Variants in FAT1 observed in about 807,000 individuals in gnomAD.
FAT1 encodes the protein protocadherin Fat 1.
A neutral mutation model predicts 329.8 loss-of-function variants in FAT1; 171 were observed. The observed-to-expected ratio is 0.52, with a 90% confidence interval of 0.46 to 0.59. The LOEUF (loss-of-function observed/expected upper bound fraction) is 0.59, where lower values mean the gene tolerates loss of function less well. FAT1 is among the 20% of genes least tolerant of loss of function. FAT1 has a pLI of 0.00. For missense variants in FAT1, 5,672 were observed against 5,774.4 expected (o/e 0.98, Z 0.57); for synonymous variants, 2,233 against 2,228.6 (o/e 1.00, Z -0.06).
chr4:186,598,928 C>T (rs750395637), intron 22 of FAT1: 4 of 152,310 alleles, frequency 2.6e-5, no homozygotes, highest in Non-Finnish European at 2.9e-5. Context: ...AGTGCTTCCC[C>T]GCCCCTCCAA....
Position 186,611,762 on chromosome 4 carries a change from C to A in FAT1, c.9477G>T (p.Lys3159Asn), listed in dbSNP as rs1038787426. The A allele has an allele frequency of 5.7e-6, 9 of 1,570,748 alleles. No individual in the cohort carries two copies. Among genetic ancestry groups the A allele is most frequent in the Non-Finnish European group, 7.8e-6 (9 of 1,157,282 alleles). The change falls in exon 14 of 27, where the codon AAG (lysine) becomes AAT (asparagine). Residue 3159 changes from lysine to asparagine, a missense_variant. By Grantham distance (94) the Lys-to-Asn change is moderately conservative (BLOSUM62 0). This residue lies in a region of FAT1 where 1,706 missense variants were observed against 1,859.1 expected (regional missense o/e 0.92). Transcript: ENST00000441802. ...CAGAGTCAATCAGTGAGTATAAAATCTTCCGATTTAATCCTATGAAGACAT... is the reference window on the plus strand; with the variant it reads ...CAGAGTCAATCAGTGAGTATAAAATATTCCGATTTAATCCTATGAAGACAT... ...ATDADAGLNRKILYSLIDSAD... is the reference protein window; with the variant it reads ...ATDADAGLNRNILYSLIDSAD...
At chr4:186,635,105 A>G (rs966239941) in intron 6 of FAT1, among the ~76,000 whole-genome samples, 3 of 152,240 alleles carry the variant, frequency 2.0e-5, no homozygotes, top group African/African-American at 7.2e-5. Context: ...CAAAGCATTT[A>G]GCATGAAAGT....
intron 3 of FAT1, among the ~76,000 whole-genome samples, chr4:186,645,358 C>T (rs1741301916): frequency 9.8e-6 from 1 of 101,770 alleles, no homozygotes. Context: ...TTAATAGATA[C>T]TTCATTACAT....
rs182592812 is a variant in FAT1 at position 186,678,127 on chromosome 4, G to A, written c.3266-14514C>T. On this transcript the variant is annotated intron_variant, in intron 2 of 26. Coordinates refer to ENST00000441802, the MANE Select transcript of FAT1 (RefSeq NM_005245.4). ...TTAATAAAATAAAGTGATAACAGAA[G>A]ATGTAGAATATGAAAATAAACATCA... 7.2e-5 allele frequency among the ~76,000 whole-genome samples: 11 copies of A among 152,156 alleles called. No individual in the cohort carries two copies. The East Asian group carries it at 2.1e-3, about 29-fold the overall frequency.
chr4:186,652,648 G>A (rs1261334385), intron 3 of FAT1, among the ~76,000 whole-genome samples: 1 of 151,964 alleles, frequency 6.6e-6, no homozygotes, highest in East Asian at 1.9e-4. Flanking sequence ...TTTTTTAAAT[G>A]AATTCCTGCC....
At position 186,621,385 on chromosome 4, in the gene FAT1, G is replaced by C. The variant is rs1282528230; in HGVS notation, c.5201C>G (p.Thr1734Arg). 8.1e-6 allele frequency: 13 copies of C among 1,614,002 alleles called. No individual in the cohort carries two copies. The highest frequency in any genetic ancestry group is 1.1e-5 in the Non-Finnish European group (13 of 1,179,894). The part of the protein sequence containing the change: ...ALDFETLPIY[T>R]LIIQGTNMAG... Reference sequence around the variant, plus strand: ...CATGTTAGTTCCTTGTATTATCAATGTGTAAATGGGCAAAGTTTCAAAGTC... The same window carrying C: ...CATGTTAGTTCCTTGTATTATCAATCTGTAAATGGGCAAAGTTTCAAAGTC... The change falls in exon 10 of 27, where the codon ACA (threonine) becomes AGA (arginine). Residue 1734 changes from threonine (T) to arginine (R), a missense_variant. Physicochemically the swap from Thr to Arg is moderately conservative, Grantham distance 71. This residue lies in a region of FAT1 where 3,966 missense variants were observed against 3,915.2 expected (regional missense o/e 1.01). Coordinates refer to ENST00000441802, the MANE Select transcript of FAT1 (RefSeq NM_005245.4).
At chr4:186,702,196 T>A (rs1744363663) in intron 2 of FAT1, among the ~76,000 whole-genome samples, 3 of 152,248 alleles carry the variant, frequency 2.0e-5, no homozygotes, top group Admixed American at 2.0e-4. Context: ...AAAAATGTCC[T>A]CATTTCCCTT....
chr4:186,704,143 T>C (rs2126678433), intron 2 of FAT1, among the ~76,000 whole-genome samples: 1 of 152,336 alleles, frequency 6.6e-6, no homozygotes, highest in East Asian at 1.9e-4. Flanking sequence ...ACAGAATAAA[T>C]GACCTACAAA....
chr4:186,599,721 G>A (rs1471531036), intron 22 of FAT1, among the ~76,000 whole-genome samples, 177 bp downstream of exon 22: 2 of 152,160 alleles, frequency 1.3e-5, no homozygotes, highest in Non-Finnish European at 2.9e-5. Flanking sequence ...GCACCAGAAG[G>A]GCAGCAGACC....
At chr4:186,726,245 G>A (rs1745715406), upstream of FAT1, 1 of 152,240 alleles carries the variant, frequency 6.6e-6, no homozygotes, top group Non-Finnish European at 1.5e-5. Flanking sequence ...AGAACCCGTA[G>A]GGCGCACACG....
intron 5 of FAT1, 113 bp downstream of exon 5, chr4:186,636,472 C>G: frequency 8.4e-7 from 1 of 1,195,678 alleles, no homozygotes; most frequent in South Asian, 1.5e-5. Context: ...GCCAGCAGGT[C>G]ACAAACACTT....
chr4:186,683,598 C>G (rs1262389420), intron 2 of FAT1, among the ~76,000 whole-genome samples: 1 of 152,124 alleles, frequency 6.6e-6, no homozygotes, highest in East Asian at 1.9e-4. Context: ...AGCCTTTTTC[C>G]TTCCAGGACC....
At position 186,628,245 on chromosome 4, in the gene FAT1, T is replaced by C. The variant is rs774416458; in HGVS notation, c.4719A>G (p.Glu1573=). The C allele has an allele frequency of 1.9e-6, 3 of 1,613,818 alleles. No individual in the cohort carries two copies. The African/African-American group carries it at 4.0e-5, about 22-fold the overall frequency. Residue 1573 remains glutamate, a synonymous_variant, in exon 9 of 27, where the codon GAA becomes GAG. Coordinates refer to ENST00000441802, the MANE Select transcript of FAT1 (RefSeq NM_005245.4). ...ACACAACTGAGCCAACGGCTGCCGATTCATAAACCCGCCCTTTGTAGGAGG... is the reference window on the plus strand; with the variant it reads ...ACACAACTGAGCCAACGGCTGCCGACTCATAAACCCGCCCTTTGTAGGAGG... The part of the protein sequence containing the change: ...TASSYKGRVY[E]SAAVGSVVLQ...
intron 2 of FAT1, among the ~76,000 whole-genome samples, chr4:186,664,343 C>T (rs1194836764): frequency 1.3e-5 from 2 of 152,164 alleles, no homozygotes; most frequent in Admixed American, 6.5e-5. Flanking sequence ...ATAAACTACA[C>T]TATAAACTCC....
At chr4:186,720,758 C>T (rs1368113089) in intron 1 of FAT1, among the ~76,000 whole-genome samples, 1 of 152,210 alleles carries the variant, frequency 6.6e-6, no homozygotes, top group Non-Finnish European at 1.5e-5. Context: ...ATGTTTGACA[C>T]AGAGGAGGTC....
chr4:186,599,138 G>A (rs1000663589), intron 22 of FAT1, among the ~76,000 whole-genome samples: 1 of 152,194 alleles, frequency 6.6e-6, no homozygotes, highest in African/African-American at 2.4e-5. Flanking sequence ...TGGTTTGGAC[G>A]TGTAACTAAT....
Position 186,713,861 on chromosome 4 carries a change from A to T in FAT1, c.-18-4016T>A, listed in dbSNP as rs170571. Among the ~76,000 whole-genome samples, 1,377 of 152,054 alleles carry T rather than the reference A, an allele frequency of 9.1e-3. 19 individuals are homozygous for T. Among genetic ancestry groups the T allele is most frequent in the African/African-American group, 0.032 (1,310 of 41,452 alleles). ...ACCAGCACGCCTGGCTCATGTTTGT[A>T]TTTTTTATAGAGACGGGGTTTCACC... On this transcript the variant is annotated intron_variant, in intron 1 of 26. Coordinates refer to ENST00000441802, the MANE Select transcript of FAT1 (RefSeq NM_005245.4).
chr4:186,623,887 C>T (rs1740166914), intron 9 of FAT1, among the ~76,000 whole-genome samples: 1 of 152,194 alleles, frequency 6.6e-6, no homozygotes, highest in Admixed American at 6.5e-5. Flanking sequence ...TCTGGGGCAT[C>T]ATGACTCTGG....
intron 2 of FAT1, among the ~76,000 whole-genome samples, chr4:186,682,526 C>CAAAAA (rs10561120): frequency 2.2e-4 from 26 of 119,696 alleles, no homozygotes; most frequent in East Asian, 1.1e-3. Context: ...GACTCTGTCT[C>CAAAAA]AAAAAAAAAA....
Sources: gnomAD v4.1 joint callset for allele counts (sites outside exome capture counted in the v4.1 genomes callset) on GRCh38, gnomAD v4.1.1 for gene constraint, gnomAD v4.1.1 regional missense constraint, MANE v1.5 for transcripts, NCBI Gene and HGNC (gene_info 2026-07-23, HGNC 2026-07-21) for gene names.